MUSK: variants seen among roughly 807,000 people sequenced by gnomAD.
The protein encoded by MUSK is muscle, skeletal receptor tyrosine-protein kinase.
In MUSK, 55 loss-of-function variants were observed where a neutral mutation model predicts 88.7. The observed-to-expected ratio is 0.62, with a 90% confidence interval of 0.50 to 0.78. The LOEUF (loss-of-function observed/expected upper bound fraction) is 0.78. MUSK is among the 30% of genes least tolerant of loss of function. The probability of loss-of-function intolerance (pLI) is 0.00; values close to 1 mark genes in which losing one functional copy is unlikely to be tolerated. For synonymous variants in MUSK, 387 were observed against 391.9 expected (o/e 0.99, Z 0.15); for missense variants, 1,015 against 1,074.3 (o/e 0.94, Z 0.77).
intron 5 of MUSK, among the ~76,000 whole-genome samples, chr9:110,730,068 GA>G (rs2076943453): frequency 6.6e-6 from 1 of 152,004 alleles, no homozygotes; most frequent in African/African-American, 2.4e-5. Context: ...AAAGATTTTA[GA>G]ATTGCTGGCT....
chr9:110,787,906 T>C, intron 14 of MUSK, 68 bp downstream of exon 14: 1 of 1,528,680 alleles, frequency 6.5e-7, no homozygotes, highest in Non-Finnish European at 8.9e-7. Context: ...TTTCTCCCCT[T>C]GTTCGTGCTT....
At chr9:110,753,843 G>A (rs2077279013) in intron 7 of MUSK, among the ~76,000 whole-genome samples, 1 of 151,808 alleles carries the variant, frequency 6.6e-6, no homozygotes, top group Non-Finnish European at 1.5e-5. Context: ...AAGAGGTGAT[G>A]TTTCACACTA....
At chr9:110,719,424 G>A (rs975150232) in intron 5 of MUSK, among the ~76,000 whole-genome samples, 3 of 152,030 alleles carry the variant, frequency 2.0e-5, no homozygotes, top group African/African-American at 2.4e-5. Context: ...CACCAAAAGC[G>A]AGCAGGAGTC....
intron 5 of MUSK, among the ~76,000 whole-genome samples, chr9:110,717,807 T>C (rs1035861698): frequency 2.2e-5 from 3 of 137,458 alleles, no homozygotes; most frequent in African/African-American, 6.6e-5. Flanking sequence ...ATTGTAACTA[T>C]AATTCTTTGG....
At chr9:110,681,889 T>G (rs2076140662) in intron 1 of MUSK, among the ~76,000 whole-genome samples, 1 of 152,096 alleles carries the variant, frequency 6.6e-6, no homozygotes. Context: ...TACCTTGCCC[T>G]TTAACTGAAG....
At chr9:110,676,745 C>A (rs887709557) in intron 1 of MUSK, among the ~76,000 whole-genome samples, 3 of 152,106 alleles carry the variant, frequency 2.0e-5, no homozygotes, top group African/African-American at 7.2e-5. Flanking sequence ...CTTTTTATGG[C>A]TGCATAGTAT....
At chr9:110,691,072 C>A (rs1264258863) in intron 3 of MUSK, among the ~76,000 whole-genome samples, 5 of 151,524 alleles carry the variant, frequency 3.3e-5, no homozygotes, top group African/African-American at 4.8e-5. Context: ...GCCAAGTTGG[C>A]CAGGCCAGTC....
intron 5 of MUSK, among the ~76,000 whole-genome samples, chr9:110,732,039 T>G (rs559809535): frequency 1.3e-5 from 2 of 152,226 alleles, no homozygotes; most frequent in South Asian, 4.1e-4. Flanking sequence ...TATTCTCCAA[T>G]TTTTTATTCT....
chr9:110,713,509 C>T (rs2076703444), intron 5 of MUSK, among the ~76,000 whole-genome samples: 1 of 152,116 alleles, frequency 6.6e-6, no homozygotes, highest in Non-Finnish European at 1.5e-5. Context: ...ATCCACCTGC[C>T]TCAGTCTTCC....
chr9:110,755,921 CATATATATATACATATAT>C (rs1231506901), intron 7 of MUSK, among the ~76,000 whole-genome samples: 1 of 107,944 alleles, frequency 9.3e-6, no homozygotes, highest in Non-Finnish European at 1.9e-5. Flanking sequence ...TGCCCAGTGC[CATATATATATACATATAT>C]ATATATATAT....
chr9:110,695,472 C>CT lies in MUSK; in HGVS notation c.429dup (p.Thr144TyrfsTer4). On this transcript the variant is annotated frameshift_variant, in exon 4 of 15. Coordinates refer to ENST00000374448, the MANE Select transcript of MUSK (RefSeq NM_005592.4). LOFTEE classifies it high-confidence loss of function. ...GGATTAAAAGCAGTCCTACCATGTA[C>CT]TACAATGGGTAATCCCAAACCATCA... 6.4e-7 allele frequency: 1 copy of CT among 1,559,780 alleles called. No individual in the cohort carries two copies. Among genetic ancestry groups the CT allele is most frequent in the Non-Finnish European group, 8.7e-7 (1 of 1,147,008 alleles).
At position 110,785,727 on chromosome 9, in the gene MUSK, ACCTATGG is replaced by A; in HGVS notation, c.1778+10_1778+16del. 1 of 1,580,428 alleles carries A rather than the reference ACCTATGG, an allele frequency of 6.3e-7. No homozygotes were observed. The highest frequency in any genetic ancestry group is 1.8e-5 in the Admixed American group (1 of 56,162). ...AGGGTGTTTCAAGCAAGGTAAAGTT[ACCTATGG>A]AAAAAAAAACTCCATTGAAATATGT... On this transcript the variant is annotated intron_variant, in intron 13 of 14. Transcript: ENST00000374448.
At chr9:110,701,913 T>C (rs565882917) in intron 5 of MUSK, among the ~76,000 whole-genome samples, 1 of 133,514 alleles carries the variant, frequency 7.5e-6, no homozygotes, top group Non-Finnish European at 1.6e-5. Flanking sequence ...TATTTTATTT[T>C]ATTTTATTTT....
intron 7 of MUSK, among the ~76,000 whole-genome samples, chr9:110,755,965 C>CATATATATAT (rs370272693): frequency 4.9e-5 from 4 of 81,620 alleles, no homozygotes; most frequent in Non-Finnish European, 7.4e-5. Context: ...TATATATATA[C>CATATATATAT]ATATATATAT....
intron 6 of MUSK, among the ~76,000 whole-genome samples, chr9:110,743,537 C>T (rs983408712): frequency 1.3e-5 from 2 of 152,210 alleles, no homozygotes; most frequent in African/African-American, 4.8e-5. Flanking sequence ...TTTCATGTCC[C>T]TCTTGCTTTG....
At chr9:110,706,263 C>T (rs1172963889) in intron 5 of MUSK, 1 of 333,272 alleles carries the variant, frequency 3.0e-6, no homozygotes, top group Non-Finnish European at 6.0e-6. Flanking sequence ...TCATTTGTTC[C>T]TCACAGAAAT....
chr9:110,686,147 C>CT (rs2076193550), intron 2 of MUSK, among the ~76,000 whole-genome samples: 2 of 152,090 alleles, frequency 1.3e-5, no homozygotes, highest in African/African-American at 4.8e-5. Flanking sequence ...GATTTCTTGC[C>CT]TTTCCTAGCT....
chr9:110,782,520 T>G (rs1270281032), intron 11 of MUSK, among the ~76,000 whole-genome samples: 1 of 152,220 alleles, frequency 6.6e-6, no homozygotes, highest in East Asian at 1.9e-4. Flanking sequence ...AAACTAACCT[T>G]ATATTTACCA....
intron 1 of MUSK, among the ~76,000 whole-genome samples, chr9:110,677,521 C>G (rs1432063106): frequency 6.6e-6 from 1 of 152,192 alleles, no homozygotes; most frequent in Non-Finnish European, 1.5e-5. Flanking sequence ...CTCTCAGTCT[C>G]TTTTCTAAAC....
Sources: gnomAD v4.1 joint callset for allele counts (sites outside exome capture counted in the v4.1 genomes callset) on GRCh38, gnomAD v4.1.1 for gene constraint, MANE v1.5 for transcripts, NCBI Gene and HGNC (gene_info 2026-07-23, HGNC 2026-07-21) for gene names.